The following KATNA1 variants were observed in gnomAD, a reference collection of about 807,000 sequenced individuals.
KATNA1 encodes the protein katanin p60 ATPase-containing subunit A1.
KATNA1 carries 42 observed loss-of-function variants against 62.6 expected under a neutral mutation model. The ratio of observed to expected loss-of-function variants is 0.67; its 90% CI spans 0.52 to 0.87. KATNA1 has a LOEUF of 0.87. Ranked by LOEUF, KATNA1 falls within the 40% of genes least tolerant of loss-of-function variation. The pLI, the probability that KATNA1 is intolerant of heterozygous loss-of-function variation, is 0.00. For synonymous variants in KATNA1, 186 were observed against 201.9 expected, an observed-to-expected ratio of 0.92 and a Z score of 0.67; for missense variants, 498 against 612.5, an observed-to-expected ratio of 0.81 and a Z score of 1.97.
At chr6:149,619,184 T>A (rs1005112268) in intron 4 of KATNA1, among the ~76,000 whole-genome samples, 6 of 151,710 alleles carry the variant, frequency 4.0e-5, no homozygotes, top group African/African-American at 1.5e-4. Context: ...GGAATAGACA[T>A]CTCTCAAAAG....
intron 4 of KATNA1, among the ~76,000 whole-genome samples, chr6:149,621,123 C>CTT (rs1282414027): frequency 5.9e-5 from 8 of 135,810 alleles, no homozygotes; most frequent in Admixed American, 7.4e-5. Context: ...CCTATGCCTT[C>CTT]TTTTTTTTTT....
intron 1 of KATNA1, among the ~76,000 whole-genome samples, chr6:149,641,565 C>A (rs1449138589): frequency 6.6e-6 from 1 of 152,058 alleles, no homozygotes; most frequent in Non-Finnish European, 1.5e-5. Context: ...AAAAGCTGAG[C>A]AACTCTTTTT....
intron 10 of KATNA1, 78 bp from the exon 11 acceptor site, chr6:149,595,312 T>G: frequency 9.0e-7 from 1 of 1,113,708 alleles, no homozygotes; most frequent in African/African-American, 1.6e-5. Flanking sequence ...TAGAAAAATT[T>G]TCAATTGATC....
Position 149,609,802 on chromosome 6 carries a change from C to CAAAAAAAAA in KATNA1, c.502-5029_502-5021dup, listed in dbSNP as rs1169018343. 5.9e-4 allele frequency among the ~76,000 whole-genome samples: 38 copies of CAAAAAAAAA among 64,528 alleles called. 2 individuals carry two copies. The highest frequency in any genetic ancestry group is 0.012 in the Middle Eastern group (1 of 84). 42.3% of individuals were successfully genotyped at this position (64,528 alleles called of 152,430 possible). A position where few individuals can be genotyped will look rare whatever the true frequency, so the allele number is the denominator to read the frequency against. On this transcript the variant is annotated intron_variant, in intron 4 of 10. Coordinates refer to ENST00000367411, the MANE Select transcript of KATNA1 (RefSeq NM_007044.4). ...TGGGCGACAGAGCTAGACTCCATCTCAAAAAAAAAAAAAATAGGCCAGGTG... is the reference window on the plus strand; with the variant it reads ...TGGGCGACAGAGCTAGACTCCATCTCAAAAAAAAAAAAAAAAAAAAAAATAGGCCAGGTG...
intron 4 of KATNA1, among the ~76,000 whole-genome samples, chr6:149,612,512 A>G (rs192549555): frequency 2.6e-5 from 4 of 152,324 alleles, no homozygotes; most frequent in Admixed American, 2.6e-4. Context: ...CTGTCTCAAA[A>G]AAAATTTTTA....
At position 149,594,970 on chromosome 6, in the gene KATNA1, C is replaced by T; in HGVS notation, c.*66G>A. The T allele has an allele frequency of 7.9e-7, 1 of 1,267,904 alleles. No individual in the cohort carries two copies. Among genetic ancestry groups the T allele is most frequent in the Middle Eastern group, 2.1e-4 (1 of 4,668 alleles). 78.5% of individuals were successfully genotyped at this position (1,267,904 alleles called of 1,614,324 possible). The stretch of plus-strand genomic sequence containing the variant: ...GTTAAAAAAAATATAGCACTCAGTA[C>T]AATGAATTACTGCATTTAATATTCA... On this transcript the variant is annotated 3_prime_UTR_variant, in exon 11 of 11. Transcript: ENST00000367411.
chr6:149,645,954 T>C (rs1325715645), intron 1 of KATNA1, among the ~76,000 whole-genome samples: 1 of 152,054 alleles, frequency 6.6e-6, no homozygotes, highest in Admixed American at 6.6e-5. Context: ...TATTGAAATA[T>C]CTGAGTTCTA....
At position 149,604,856 on chromosome 6, in the gene KATNA1, C is replaced by T. The variant is rs1167719755; in HGVS notation, c.502-74G>A. 15 of 1,437,570 alleles carry T rather than the reference C, an allele frequency of 1.0e-5. No individual in the cohort carries two copies. In the East Asian group the frequency reaches 3.4e-4, roughly 33 times the overall value. 89.1% of individuals were successfully genotyped at this position (1,437,570 alleles called of 1,614,324 possible). On this transcript the variant is annotated intron_variant, in intron 4 of 10. Transcript: ENST00000367411. Reference sequence around the variant, plus strand: ...CTGTGAGTCGGAAACACAGATTGGACTCAAGTGACGTCCTTTAAAAAGCTA... The same window carrying T: ...CTGTGAGTCGGAAACACAGATTGGATTCAAGTGACGTCCTTTAAAAAGCTA...
Position 149,601,704 on chromosome 6 carries a change from T to G in KATNA1, c.778A>C (p.Lys260Gln). The G allele has an allele frequency of 6.2e-7, 1 of 1,612,248 alleles. No individual in the cohort carries two copies. Among genetic ancestry groups the G allele is most frequent in the Non-Finnish European group, 8.5e-7 (1 of 1,179,476 alleles). Residue 260 changes from lysine to glutamine, a missense_variant, in exon 7 of 11, where the codon AAA becomes CAA. By Grantham distance (53) the Lys-to-Gln change is moderately conservative. Coordinates refer to ENST00000367411, the MANE Select transcript of KATNA1 (RefSeq NM_007044.4). Reference sequence around the variant, plus strand: ...GTCTTGCATTCTGTAGCTACTGCTTTAGCAAGGAGCGTCTTCCCCGTGCCA... The same window carrying G: ...GTCTTGCATTCTGTAGCTACTGCTTGAGCAAGGAGCGTCTTCCCCGTGCCA... ...PPGTGKTLLA[K>Q]AVATECKTTF...
chr6:149,602,186 GAA>G (rs1316639580), intron 6 of KATNA1, among the ~76,000 whole-genome samples: 1 of 152,096 alleles, frequency 6.6e-6, no homozygotes, highest in Non-Finnish European at 1.5e-5. Context: ...CCAACATGGT[GAA>G]GCCCCGTTTC....
In KATNA1 at chr6:149,603,340, C is replaced by T. The variant is rs1012091802; in HGVS notation, c.657G>A (p.Lys219=). The T allele has an allele frequency of 3.1e-6, 5 of 1,597,538 alleles. No individual in the cohort carries two copies. Among genetic ancestry groups the T allele is most frequent in the Non-Finnish European group, 3.4e-6 (4 of 1,167,908 alleles). Residue 219 remains lysine, a synonymous_variant, in exon 6 of 11, where the codon AAG becomes AAA. Transcript: ENST00000367411. ...GTAACACTACGGCTTCCTTAAGCAA[C>T]TTTTTAGCTTCTACTAAATCAGCGA... ...DDIADLVEAK[K]LLKEAVVLPM...
intron 4 of KATNA1, among the ~76,000 whole-genome samples, chr6:149,613,466 A>G (rs1257276929): frequency 6.6e-6 from 1 of 152,148 alleles, no homozygotes; most frequent in Non-Finnish European, 1.5e-5. Context: ...GAAAATACTA[A>G]GGAATCTACA....
chr6:149,624,507 G>C lies in KATNA1; in HGVS notation c.321-1224C>G, dbSNP rs11758260. Among the ~76,000 whole-genome samples, 881 of 151,698 alleles carry C rather than the reference G, an allele frequency of 5.8e-3. 5 individuals are homozygous for C. Among genetic ancestry groups the C allele is most frequent in the African/African-American group, 0.02 (809 of 41,346 alleles). The stretch of plus-strand genomic sequence containing the variant: ...AGCAATCCTCCCACCTCAGCCTCCC[G>C]AGTAGCAAGGACTACAGCCACATGG... On this transcript the variant is annotated intron_variant, in intron 3 of 10. Transcript: ENST00000367411.
intron 3 of KATNA1, among the ~76,000 whole-genome samples, chr6:149,626,233 C>T (rs1172218505): frequency 3.3e-5 from 5 of 150,398 alleles, no homozygotes; most frequent in African/African-American, 7.4e-5. Flanking sequence ...CATGTACAAA[C>T]CTTTTTTTGT....
At chr6:149,605,297 T>A (rs920669012) in intron 4 of KATNA1, among the ~76,000 whole-genome samples, 10 of 152,022 alleles carry the variant, frequency 6.6e-5, no homozygotes, top group African/African-American at 2.4e-4. Flanking sequence ...AAAATGACCA[T>A]GCAAATGAAC....
chr6:149,609,875 C>T (rs1042097472), intron 4 of KATNA1, among the ~76,000 whole-genome samples: 6 of 148,494 alleles, frequency 4.0e-5, no homozygotes, highest in Admixed American at 1.4e-4. Flanking sequence ...CCGAGGCAGG[C>T]GAATCACCTG....
At chr6:149,643,119 G>A (rs766601340) in intron 1 of KATNA1, among the ~76,000 whole-genome samples, 2 of 152,218 alleles carry the variant, frequency 1.3e-5, no homozygotes, top group Non-Finnish European at 2.9e-5. Context: ...AGAGGCTCAT[G>A]TGGCAAAGAG....
At chr6:149,607,886 T>G (rs1437877686) in intron 4 of KATNA1, among the ~76,000 whole-genome samples, 1 of 151,984 alleles carries the variant, frequency 6.6e-6, no homozygotes, top group Non-Finnish European at 1.5e-5. Flanking sequence ...GCCAACATGA[T>G]GAAACCCCGT....
At chr6:149,627,527 C>CAA (rs796916643) in intron 3 of KATNA1, among the ~76,000 whole-genome samples, 2,090 of 69,386 alleles carry the variant, frequency 0.03, 85 homozygotes, top group African/African-American at 0.1. Flanking sequence ...GACTCCATCT[C>CAA]AAAAAAAAAA....
Sources: gnomAD v4.1 joint callset for allele counts (sites outside exome capture counted in the v4.1 genomes callset) on GRCh38, gnomAD v4.1.1 for gene constraint, MANE v1.5 for transcripts, NCBI Gene and HGNC (gene_info 2026-07-23, HGNC 2026-07-21) for gene names.